Variants in PTPRK observed in about 807,000 individuals in gnomAD.
PTPRK encodes the protein protein tyrosine phosphatase receptor type K, also known as receptor-type tyrosine-protein phosphatase kappa.
Under a neutral mutation model 178.0 loss-of-function variants are expected in PTPRK, and 75 were observed. The observed-to-expected ratio is 0.42, with a 90% CI of 0.35 to 0.51. PTPRK has a LOEUF of 0.51. Ranked by LOEUF, PTPRK falls within the 20% of genes least tolerant of loss-of-function variation. The pLI, the probability that PTPRK is intolerant of heterozygous loss-of-function variation, is 0.02. For missense variants in PTPRK, 1,441 were observed against 1,797.8 expected, an observed-to-expected ratio of 0.80 and a Z score of 3.59; for synonymous variants, 637 against 620.6, an observed-to-expected ratio of 1.03 and a Z score of -0.39.
At chr6:128,405,849 A>C (rs1584558644) in intron 1 of PTPRK, among the ~76,000 whole-genome samples, 1 of 152,108 alleles carries the variant, frequency 6.6e-6, no homozygotes, top group Admixed American at 6.6e-5. Context: ...TTGAATTTAA[A>C]GTTTTACTTC....
intron 1 of PTPRK, among the ~76,000 whole-genome samples, chr6:128,414,581 C>T (rs1011316186): frequency 6.6e-6 from 1 of 152,220 alleles, no homozygotes; most frequent in Admixed American, 6.5e-5. Context: ...TGCCTTGCCA[C>T]TACTTATTTG....
intron 1 of PTPRK, among the ~76,000 whole-genome samples, chr6:128,456,673 C>T (rs1047649007): frequency 6.6e-6 from 1 of 152,040 alleles, no homozygotes; most frequent in Admixed American, 6.6e-5. Context: ...ATATACATTA[C>T]TAAACTAAAA....
chr6:128,249,024 A>G (rs1213343283), intron 3 of PTPRK, among the ~76,000 whole-genome samples: 1 of 152,122 alleles, frequency 6.6e-6, no homozygotes, highest in East Asian at 1.9e-4. Context: ...AGTAAGAGGA[A>G]ATGAGAAGAT....
At chr6:127,997,076 C>A (rs1371377633) in intron 16 of PTPRK, 88 bp from the exon 17 acceptor site, 2 of 1,359,176 alleles carry the variant, frequency 1.5e-6, no homozygotes, top group Non-Finnish European at 2.0e-6. Context: ...ATAGTAAAAA[C>A]CACTTTCTCA....
At chr6:128,215,990 A>G (rs1328676396) in intron 6 of PTPRK, among the ~76,000 whole-genome samples, 1 of 152,116 alleles carries the variant, frequency 6.6e-6, no homozygotes, top group Non-Finnish European at 1.5e-5. Context: ...TTTGGTGGTT[A>G]TCTCTACAAA....
At chr6:128,168,136 T>C (rs1186942311) in intron 7 of PTPRK, among the ~76,000 whole-genome samples, 1 of 152,054 alleles carries the variant, frequency 6.6e-6, no homozygotes, top group Non-Finnish European at 1.5e-5. Flanking sequence ...CCAGAAAATG[T>C]GTTCTTCTCA....
intron 1 of PTPRK, among the ~76,000 whole-genome samples, chr6:128,466,374 A>G (rs1849844655): frequency 6.6e-6 from 1 of 152,260 alleles, no homozygotes; most frequent in Non-Finnish European, 1.5e-5. Context: ...AGAAGACAAT[A>G]GCATAGGCAA....
At chr6:128,369,678 T>G (rs181039145) in intron 2 of PTPRK, among the ~76,000 whole-genome samples, 118 of 152,280 alleles carry the variant, frequency 7.7e-4, no homozygotes, top group African/African-American at 2.7e-3. Flanking sequence ...GTTTAGCAAT[T>G]TTTTAAAAAG....
intron 13 of PTPRK, among the ~76,000 whole-genome samples, chr6:128,042,446 T>C (rs1427214312): frequency 1.3e-5 from 2 of 152,036 alleles, no homozygotes; most frequent in African/African-American, 2.4e-5. Flanking sequence ...ATCTGTTTTC[T>C]TGATTTTTCC....
At position 128,343,958 on chromosome 6, in the gene PTPRK, A is replaced by G. The variant is rs74880449; in HGVS notation, c.224-21648T>C. 4.6e-5 allele frequency among the ~76,000 whole-genome samples: 7 copies of G among 152,316 alleles called. 1 individual carries two copies. In the South Asian group the frequency reaches 1.5e-3, roughly 32 times the overall value. ...GGTTCAAATCCTGGCATCAGAACTTATAAGTTAAGTGATTTTCGTAACACT... is the reference window on the plus strand; with the variant it reads ...GGTTCAAATCCTGGCATCAGAACTTGTAAGTTAAGTGATTTTCGTAACACT... On this transcript the variant is annotated intron_variant, in intron 2 of 29. Coordinates refer to ENST00000368226, the MANE Select transcript of PTPRK (RefSeq NM_002844.4).
chr6:128,447,920 C>T (rs1430737298), intron 1 of PTPRK, among the ~76,000 whole-genome samples: 2 of 152,138 alleles, frequency 1.3e-5, no homozygotes, highest in Non-Finnish European at 2.9e-5. Context: ...CCGCGCCCGG[C>T]CCATTCTTCC....
intron 7 of PTPRK, among the ~76,000 whole-genome samples, chr6:128,138,475 T>C (rs1795316808): frequency 6.6e-6 from 1 of 152,124 alleles, no homozygotes; most frequent in Admixed American, 6.6e-5. Context: ...TTCAAGAAGG[T>C]CCAATGTTTC....
intron 2 of PTPRK, among the ~76,000 whole-genome samples, chr6:128,384,223 T>C (rs1015065741): frequency 6.6e-6 from 1 of 152,220 alleles, no homozygotes; most frequent in African/African-American, 2.4e-5. Context: ...TTCTCATAGA[T>C]ATGTTCCACA....
rs148417223 is a variant in PTPRK, at chr6:128,079,287, C to T, written c.1778-369G>A. On this transcript the variant is annotated intron_variant, in intron 10 of 29. Coordinates refer to ENST00000368226, the MANE Select transcript of PTPRK (RefSeq NM_002844.4). ...GTAGTGCTTATGGAGTCACATATGG[C>T]GATCAGGAGCTATGAACAGCAAGAG... is the stretch of plus-strand genomic sequence containing the variant. Among the ~76,000 whole-genome samples the T allele has an allele frequency of 5.5e-3, 836 of 151,964 alleles. 15 individuals are homozygous for T. Among genetic ancestry groups the T allele is most frequent in the African/African-American group, 0.019 (791 of 41,470 alleles).
intron 7 of PTPRK, among the ~76,000 whole-genome samples, chr6:128,160,875 T>C (rs962923020): frequency 2.5e-4 from 38 of 151,694 alleles, no homozygotes; most frequent in African/African-American, 9.2e-4. Flanking sequence ...GAATATAAAA[T>C]AGGATCCTTT....
rs1791123404 is a variant in PTPRK, at chr6:128,114,218, C to T, written c.1163-24226G>A. Among the ~76,000 whole-genome samples, 3 of 151,908 alleles carry T rather than the reference C, an allele frequency of 2.0e-5. No individual in the cohort carries two copies. In the South Asian group the frequency reaches 6.2e-4, roughly 32 times the overall value. ...TCACAGTGCTGCATGGGTGGGAATG[C>T]CTCAGGAAACTTACAATTATGGCAG... is the stretch of plus-strand genomic sequence containing the variant. On this transcript the variant is annotated intron_variant, in intron 7 of 29. Coordinates refer to ENST00000368226, the MANE Select transcript of PTPRK (RefSeq NM_002844.4).
chr6:128,418,836 T>C (rs946063612), intron 1 of PTPRK, among the ~76,000 whole-genome samples: 1 of 152,186 alleles, frequency 6.6e-6, no homozygotes, highest in African/African-American at 2.4e-5. Context: ...AACCACCTTC[T>C]TGTCTATATC....
chr6:128,098,996 G>T (rs952622234), intron 7 of PTPRK, among the ~76,000 whole-genome samples: 5 of 151,390 alleles, frequency 3.3e-5, no homozygotes, highest in Admixed American at 3.3e-4. Context: ...TAAATAATAA[G>T]ACATATCAAT....
chr6:128,105,730 C>T (rs1400783931), intron 7 of PTPRK, among the ~76,000 whole-genome samples: 2 of 152,142 alleles, frequency 1.3e-5, no homozygotes, highest in African/African-American at 4.8e-5. Context: ...TTTCAGGTTA[C>T]ACTCTAGAAC....
Sources: allele counts gnomAD v4.1 joint callset (sites outside exome capture counted in the v4.1 genomes callset), GRCh38; gene constraint gnomAD v4.1.1; transcripts MANE v1.5; gene names NCBI Gene and HGNC (gene_info 2026-07-23, HGNC 2026-07-21).